Variants in IPO11 observed in about 807,000 individuals in gnomAD.
IPO11 encodes the protein importin-11.
A neutral mutation model predicts 143.2 loss-of-function variants in IPO11; 66 were observed. That is an observed-to-expected ratio of 0.46 (90% confidence interval 0.38 to 0.57). The LOEUF (loss-of-function observed/expected upper bound fraction) is 0.57. Among genes scored for constraint, IPO11 ranks in the 20% least tolerant of loss-of-function variants. IPO11 has a pLI of 0.00. For synonymous variants in IPO11, 385 were observed against 377.8 expected (o/e 1.02, Z -0.22); for missense variants, 1,026 against 1,141.0 (o/e 0.90, Z 1.45).
At chr5:62,523,200 T>C (rs1376316023) in intron 20 of IPO11, among the ~76,000 whole-genome samples, 1 of 152,232 alleles carries the variant, frequency 6.6e-6, no homozygotes, top group African/African-American at 2.4e-5. Context: ...TTTCTGTTTT[T>C]AGTTCTTTTT....
At chr5:62,495,928 G>A (rs1006483172) in intron 16 of IPO11, among the ~76,000 whole-genome samples, 14 of 152,188 alleles carry the variant, frequency 9.2e-5, no homozygotes, top group Non-Finnish European at 2.9e-5. Context: ...GGCCAGATAA[G>A]TTTGGAAGAC....
At chr5:62,458,019 C>T (rs1374360497) in intron 5 of IPO11, among the ~76,000 whole-genome samples, 3 of 151,372 alleles carry the variant, frequency 2.0e-5, no homozygotes, top group East Asian at 2.0e-4. Flanking sequence ...TGGTGGTGGG[C>T]GCCTGTAGTC....
At chr5:62,494,988 C>CT (rs952118018) in intron 16 of IPO11, among the ~76,000 whole-genome samples, 1 of 152,020 alleles carries the variant, frequency 6.6e-6, no homozygotes, top group African/African-American at 2.4e-5. Context: ...CTGTACTTCC[C>CT]TTTTTTACAT....
At chr5:62,483,416 G>C (rs1580232007) in intron 10 of IPO11, 123 bp downstream of exon 10, 1 of 640,794 alleles carries the variant, frequency 1.6e-6, no homozygotes, top group East Asian at 2.9e-5. Context: ...GCTGGGACAT[G>C]AAAAAGATAT....
At chr5:62,427,366 C>T (rs1743795120) in intron 1 of IPO11, among the ~76,000 whole-genome samples, 1 of 152,192 alleles carries the variant, frequency 6.6e-6, no homozygotes, top group Admixed American at 6.5e-5. Flanking sequence ...AAGCAAATAG[C>T]TTCTCTCCTT....
At chr5:62,557,371 C>T (rs748431593) in intron 26 of IPO11, among the ~76,000 whole-genome samples, 5 of 152,122 alleles carry the variant, frequency 3.3e-5, no homozygotes, top group Non-Finnish European at 5.9e-5. Context: ...TTAGTAGAGA[C>T]AGCGTTTCTC....
At chr5:62,564,885 C>G (rs1374063625) in intron 27 of IPO11, among the ~76,000 whole-genome samples, 3 of 152,168 alleles carry the variant, frequency 2.0e-5, no homozygotes, top group African/African-American at 7.2e-5. Flanking sequence ...ATCCCAGGGC[C>G]ATCAGTCACT....
chr5:62,580,955 C>G, intron 27 of IPO11: 2 of 1,551,212 alleles, frequency 1.3e-6, no homozygotes, highest in Middle Eastern at 1.7e-4. Context: ...CCGAATGATG[C>G]TGCTTCAATG....
chr5:62,522,066 T>A (rs1742219039), intron 20 of IPO11, among the ~76,000 whole-genome samples: 1 of 152,208 alleles, frequency 6.6e-6, no homozygotes, highest in Admixed American at 6.5e-5. Flanking sequence ...ATTTTAATCA[T>A]ATCTGTTGAT....
At chr5:62,421,157 G>A (rs1743501747) in intron 1 of IPO11, among the ~76,000 whole-genome samples, 1 of 152,052 alleles carries the variant, frequency 6.6e-6, no homozygotes, top group South Asian at 2.1e-4. Context: ...TAAACATTTA[G>A]CTCTTCTTTT....
intron 28 of IPO11, among the ~76,000 whole-genome samples, chr5:62,593,588 A>C (rs953706575): frequency 6.6e-6 from 1 of 152,222 alleles, no homozygotes; most frequent in Admixed American, 6.5e-5. Flanking sequence ...GCCATGAAGA[A>C]AAAGTTTTGT....
At chr5:62,435,166 ATATATG>A (rs1744159914) in intron 1 of IPO11, among the ~76,000 whole-genome samples, 2 of 104,026 alleles carry the variant, frequency 1.9e-5, no homozygotes, top group African/African-American at 3.8e-5. Flanking sequence ...ATATATGTAT[ATATATG>A]TATATATGTA....
chr5:62,480,949 T>C (rs1395553387), intron 9 of IPO11, among the ~76,000 whole-genome samples: 1 of 135,398 alleles, frequency 7.4e-6, no homozygotes, highest in Non-Finnish European at 1.5e-5. Flanking sequence ...AGAGTCTTGC[T>C]CTGTCGCCCA....
chr5:62,436,190 AAGG>A (rs1744226467), intron 1 of IPO11, among the ~76,000 whole-genome samples: 1 of 152,196 alleles, frequency 6.6e-6, no homozygotes, highest in Non-Finnish European at 1.5e-5. Flanking sequence ...TTTTCCCTAA[AAGG>A]TAATCTAGGT....
chr5:62,456,196 G>C (rs1454384187), intron 5 of IPO11, among the ~76,000 whole-genome samples: 1 of 152,084 alleles, frequency 6.6e-6, no homozygotes, highest in Admixed American at 6.5e-5. Context: ...GTTTTTGGTA[G>C]AGATGGGGTT....
In IPO11 at chr5:62,561,098, T is replaced by A. The variant is rs141796093; in HGVS notation, c.2461-38T>A. On this transcript the variant is annotated intron_variant, in intron 26 of 29. Transcript: ENST00000325324. ...AGTATTTACCCACAAGTAAAACATA[T>A]TTTAGGTATTTTGAGATGCCTCCTC... 3.9e-4 allele frequency: 604 copies of A among 1,559,146 alleles called. No individual in the cohort carries two copies. The African/African-American group carries it at 7.5e-3, about 19-fold the overall frequency.
intron 16 of IPO11, among the ~76,000 whole-genome samples, chr5:62,503,432 C>T: frequency 6.8e-6 from 1 of 148,004 alleles, no homozygotes; most frequent in Non-Finnish European, 1.5e-5. Flanking sequence ...TTAATAGTAT[C>T]TATTAATAGA....
chr5:62,567,650 CCG>C (rs1744001375), intron 27 of IPO11, among the ~76,000 whole-genome samples: 1 of 149,892 alleles, frequency 6.7e-6, no homozygotes. Flanking sequence ...GCAACCTCCG[CCG>C]CCTGGGTTCA....
At chr5:62,593,615 T>G (rs1221636000) in intron 28 of IPO11, among the ~76,000 whole-genome samples, 1 of 152,132 alleles carries the variant, frequency 6.6e-6, no homozygotes, top group Non-Finnish European at 1.5e-5. Flanking sequence ...AGAGGGAATA[T>G]GTTGGAAGTA....
Sources: allele counts gnomAD v4.1 joint callset (sites outside exome capture counted in the v4.1 genomes callset), GRCh38; gene constraint gnomAD v4.1.1; transcripts MANE v1.5; gene names NCBI Gene and HGNC (gene_info 2026-07-23, HGNC 2026-07-21).